CUX1: variants seen among roughly 807,000 people sequenced by gnomAD.
The protein encoded by CUX1 is protein CASP.
A neutral mutation model predicts 158.8 loss-of-function variants in CUX1; 31 were observed. The observed-to-expected ratio is 0.20, with a 90% CI of 0.15 to 0.26. CUX1 has a LOEUF of 0.26. CUX1 is among the 10% of genes least tolerant of loss of function. The pLI, the probability that CUX1 is intolerant of heterozygous loss-of-function variation, is 1.00. For synonymous variants in CUX1, 879 were observed against 862.1 expected (o/e 1.02, Z -0.34); for missense variants, 1,589 against 2,014.6 (o/e 0.79, Z 4.04).
In CUX1 at chr7:101,866,478, A is replaced by G. The variant is rs866110470; in HGVS notation, c.30+48809A>G. 2.0e-5 allele frequency among the ~76,000 whole-genome samples: 3 copies of G among 151,510 alleles called. No homozygotes were observed. The South Asian group carries it at 6.3e-4, about 32-fold the overall frequency. Reference sequence around the variant, plus strand: ...AGTGAGACGCTGTCTCAACAAGAACAAAAACTAACCAGTTGTGGTAGCACT... The same window carrying G: ...AGTGAGACGCTGTCTCAACAAGAACGAAAACTAACCAGTTGTGGTAGCACT... On this transcript the variant is annotated intron_variant, in intron 1 of 23. Transcript: ENST00000292535.
Position 102,254,388 on chromosome 7 carries a change from C to T in CUX1, c.*5346C>T. ...TAGCGTCACTGCGAACACTCCTTTG[C>T]AAACATCAAACATCTCAAAGACGGA... On this transcript the variant is annotated 3_prime_UTR_variant, in exon 24 of 24. Coordinates refer to ENST00000292535, the MANE Select transcript of CUX1 (RefSeq NM_181552.4). 1.0e-6 allele frequency: 1 copy of T among 985,436 alleles called. No homozygotes were observed. Among genetic ancestry groups the T allele is most frequent in the East Asian group, 1.1e-4 (1 of 8,810 alleles). 61.0% of individuals were successfully genotyped at this position (985,436 alleles called of 1,614,324 possible).
rs1252679046 is a variant in CUX1, at chr7:102,255,572, G to A, written c.*6530G>A. 1.2e-5 allele frequency: 12 copies of A among 985,228 alleles called. No individual in the cohort carries two copies. Among genetic ancestry groups the A allele is most frequent in the African/African-American group, 1.7e-5 (1 of 57,202 alleles). The allele number at this position is 985,228 out of a possible 1,614,324, so 61.0% of individuals were successfully genotyped here. A position where few individuals can be genotyped will look rare whatever the true frequency, so the allele number is the denominator to read the frequency against. On this transcript the variant is annotated 3_prime_UTR_variant, in exon 24 of 24. Coordinates refer to ENST00000292535, the MANE Select transcript of CUX1 (RefSeq NM_181552.4). The stretch of plus-strand genomic sequence containing the variant: ...AGTCTACGTTACTGTAATTTCTGTA[G>A]TGTTTACGCTTTAATTTCTACCACA...
chr7:102,052,939 C>G (rs531297652), intron 3 of CUX1, among the ~76,000 whole-genome samples: 1 of 152,236 alleles, frequency 6.6e-6, no homozygotes, highest in African/African-American at 2.4e-5. Context: ...TCCTGAGTAG[C>G]TGGGATTACA....
chr7:102,021,614 C>CTTTTTTT (rs67147187), intron 2 of CUX1, among the ~76,000 whole-genome samples: 13 of 109,340 alleles, frequency 1.2e-4, no homozygotes, highest in Non-Finnish European at 2.0e-4. Context: ...TTTTTTTTCT[C>CTTTTTTT]TTTTTTTTTT....
chr7:102,196,269 C>T (rs1377161197), intron 14 of CUX1, among the ~76,000 whole-genome samples: 1 of 152,234 alleles, frequency 6.6e-6, no homozygotes, highest in Non-Finnish European at 1.5e-5. Flanking sequence ...TCAGTGTTTG[C>T]TGCTCCTCCG....
At chr7:102,017,847 A>G (rs1260030760) in intron 2 of CUX1, among the ~76,000 whole-genome samples, 1 of 152,234 alleles carries the variant, frequency 6.6e-6, no homozygotes, top group African/African-American at 2.4e-5. Flanking sequence ...ACTCTGTCTC[A>G]GAAAAACATG....
At chr7:102,011,186 T>C (rs1454832046) in intron 2 of CUX1, among the ~76,000 whole-genome samples, 2 of 152,142 alleles carry the variant, frequency 1.3e-5, no homozygotes, top group Admixed American at 1.3e-4. Flanking sequence ...CGTCTCTGGA[T>C]ATATCATTGT....
intron 8 of CUX1, among the ~76,000 whole-genome samples, chr7:102,147,347 C>T (rs1254533311): frequency 1.3e-5 from 2 of 152,216 alleles, no homozygotes; most frequent in South Asian, 2.1e-4. Context: ...CATCAGCCTC[C>T]GTGTCTTCAG....
At chr7:101,840,856 G>T (rs921796340) in intron 1 of CUX1, among the ~76,000 whole-genome samples, 48 of 151,816 alleles carry the variant, frequency 3.2e-4, no homozygotes, top group African/African-American at 1.1e-3. Context: ...TTTGTTTTTG[G>T]TCTATTGAGG....
chr7:101,865,083 G>C (rs1797812665), intron 1 of CUX1, among the ~76,000 whole-genome samples: 1 of 152,156 alleles, frequency 6.6e-6, no homozygotes, highest in Non-Finnish European at 1.5e-5. Flanking sequence ...CCAAAACCCA[G>C]AGAGAATGAG....
intron 2 of CUX1, among the ~76,000 whole-genome samples, chr7:101,997,703 G>A (rs1816135156): frequency 6.6e-6 from 1 of 152,160 alleles, no homozygotes; most frequent in African/African-American, 2.4e-5. Flanking sequence ...TCTCAGCCAT[G>A]TGAGGCCGAT....
At chr7:102,060,502 C>T (rs936262014) in intron 3 of CUX1, among the ~76,000 whole-genome samples, 1 of 151,224 alleles carries the variant, frequency 6.6e-6, no homozygotes, top group African/African-American at 2.4e-5. Flanking sequence ...AACAGCTCAA[C>T]AAGGAGGGAG....
At position 102,038,049 on chromosome 7, in the gene CUX1, C is replaced by CAA. The variant is rs11449826; in HGVS notation, c.189+9916_189+9917dup. On this transcript the variant is annotated intron_variant, in intron 3 of 23. Coordinates refer to ENST00000292535, the MANE Select transcript of CUX1 (RefSeq NM_181552.4). ...TGGGCGACAGAGTGAGACTCTGTCT[C>CAA]AAAAAAAAAAAAAGCAGAAAGATAA... Among the ~76,000 whole-genome samples, 437 of 142,456 alleles carry CAA rather than the reference C, an allele frequency of 3.1e-3. 3 individuals carry two copies. The highest frequency in any genetic ancestry group is 0.025 in the Middle Eastern group (7 of 278). 93.5% of individuals were successfully genotyped at this position (142,456 alleles called of 152,430 possible). A position where few individuals can be genotyped will look rare whatever the true frequency, so the allele number is the denominator to read the frequency against.
chr7:101,917,346 A>G (rs1467913633), intron 2 of CUX1, among the ~76,000 whole-genome samples: 2 of 152,248 alleles, frequency 1.3e-5, no homozygotes, highest in Non-Finnish European at 2.9e-5. Flanking sequence ...TGTCTTCAGA[A>G]TAAATATTTT....
intron 2 of CUX1, among the ~76,000 whole-genome samples, chr7:102,010,153 G>A (rs1278808966): frequency 2.6e-5 from 4 of 152,074 alleles, no homozygotes; most frequent in Non-Finnish European, 5.9e-5. Flanking sequence ...CCAGCACTTC[G>A]GAGGCGGGGG....
At chr7:102,075,492 A>G (rs1441069720) in intron 4 of CUX1, among the ~76,000 whole-genome samples, 1 of 152,230 alleles carries the variant, frequency 6.6e-6, no homozygotes, top group East Asian at 1.9e-4. Context: ...AGACTGGTTC[A>G]GTGCGGTTTT....
chr7:102,077,752 G>C (rs192595379), intron 4 of CUX1, among the ~76,000 whole-genome samples: 5 of 152,090 alleles, frequency 3.3e-5, no homozygotes, highest in Non-Finnish European at 7.3e-5. Context: ...TGGAATGACC[G>C]CTTCTAACAG....
intron 8 of CUX1, among the ~76,000 whole-genome samples, chr7:102,135,846 G>A (rs543184172): frequency 1.3e-5 from 2 of 151,932 alleles, no homozygotes; most frequent in African/African-American, 2.4e-5. Flanking sequence ...GTGGTGGCGC[G>A]TGCCTATAGT....
At chr7:101,830,549 C>G (rs1379390623) in intron 1 of CUX1, among the ~76,000 whole-genome samples, 4 of 152,148 alleles carry the variant, frequency 2.6e-5, no homozygotes, top group Non-Finnish European at 4.4e-5. Flanking sequence ...AACTCCCAGG[C>G]TCAAGTGATC....
Sources: allele counts gnomAD v4.1 joint callset (sites outside exome capture counted in the v4.1 genomes callset), GRCh38; gene constraint gnomAD v4.1.1; transcripts MANE v1.5; gene names NCBI Gene and HGNC (gene_info 2026-07-23, HGNC 2026-07-21).